The following KLHDC4 variants were observed in gnomAD, a reference collection of about 807,000 sequenced individuals.
KLHDC4 encodes the protein kelch domain containing 4, also known as kelch domain-containing protein 4.
A neutral mutation model predicts 62.4 loss-of-function variants in KLHDC4; 90 were observed. The ratio of observed to expected loss-of-function variants is 1.44; its 90% CI spans 1.22 to 1.72. The LOEUF is 1.72. KLHDC4 is among the 40% of genes most tolerant of loss of function. The pLI is 0.00. For synonymous variants in KLHDC4, 386 were observed against 284.4 expected (o/e 1.36, Z -3.59); for missense variants, 1,025 against 699.7 (o/e 1.47, Z -5.25).
chr16:87,757,007 G>A (rs780961010), intron 2 of KLHDC4, among the ~76,000 whole-genome samples: 56 of 151,842 alleles, frequency 3.7e-4, no homozygotes, highest in Admixed American at 1.6e-3. Flanking sequence ...TAGAGATGGG[G>A]TTTCACTGCA....
chr16:87,747,960 G>A (rs1050454695), intron 5 of KLHDC4, among the ~76,000 whole-genome samples: 1 of 152,226 alleles, frequency 6.6e-6, no homozygotes, highest in African/African-American at 2.4e-5. Context: ...GATGGTGTGC[G>A]TAATGGTGGG....
At chr16:87,748,601 C>T (rs2043402946) in intron 5 of KLHDC4, 72 bp downstream of exon 5, 10 of 1,585,260 alleles carry the variant, frequency 6.3e-6, no homozygotes, top group South Asian at 3.4e-5. Context: ...AGGTCTGCTC[C>T]GAGCACTCGG....
Position 87,711,232 on chromosome 16 carries a change from T to C in KLHDC4, c.1044+3A>G, listed in dbSNP as rs375437350. On this transcript the variant is annotated splice_donor_region_variant and intron_variant, in intron 9 of 11. Coordinates refer to ENST00000270583, the MANE Select transcript of KLHDC4 (RefSeq NM_017566.4). ...GGCGCATGCTACTCAGAGGTTGCAC[T>C]ACCTTCAGCTGTCCCTCAAACCAAC... 7.6e-5 allele frequency: 123 copies of C among 1,613,978 alleles called. No homozygotes were observed. In the South Asian group the frequency reaches 1.2e-3, roughly 16 times the overall value.
intron 7 of KLHDC4, among the ~76,000 whole-genome samples, chr16:87,724,527 A>C (rs1404084145): frequency 6.6e-6 from 1 of 152,224 alleles, no homozygotes; most frequent in Non-Finnish European, 1.5e-5. Context: ...ACTACAGCCC[A>C]TTAAAAATAG....
chr16:87,731,994 TAGCTGCTCGGGGCAGG>T (rs1356141947), intron 5 of KLHDC4, among the ~76,000 whole-genome samples: 1 of 152,136 alleles, frequency 6.6e-6, no homozygotes, highest in African/African-American at 2.4e-5. Flanking sequence ...CGGCCCAGGA[TAGCTGCTCGGGGCAGG>T]AGCTGGGAGG....
chr16:87,701,653 C>A (rs1366235870), exon 1 of KLHDC4: 1 of 454,246 alleles, frequency 2.2e-6, no homozygotes, highest in Non-Finnish European at 4.4e-6. Flanking sequence ...TGCCACTCGT[C>A]CGCCTCGTCC....
chr16:87,709,482 C>T lies in KLHDC4; in HGVS notation c.1230G>A (p.Gln410=). The T allele has an allele frequency of 6.2e-7, 1 of 1,611,184 alleles. No individual in the cohort carries two copies. Among genetic ancestry groups the T allele is most frequent in the Non-Finnish European group, 8.5e-7 (1 of 1,179,788 alleles). The change falls in exon 10 of 12, where the codon CAG becomes CAA. Residue 410 remains glutamine, a synonymous_variant. Transcript: ENST00000270583. ...QVLTAPGSAG[Q]PRSEDEDSLE... is the part of the protein sequence containing the mutation. The stretch of plus-strand genomic sequence containing the variant: ...GGCTGTCTTCGTCCTCAGACCGGGG[C>T]TGCCCCGCCGAGCCTGGCGCGGTGA...
At chr16:87,740,116 C>T (rs1330471345) in intron 5 of KLHDC4, among the ~76,000 whole-genome samples, 1 of 152,196 alleles carries the variant, frequency 6.6e-6, no homozygotes, top group Non-Finnish European at 1.5e-5. Context: ...CCTGCACCTT[C>T]TCCAGGGGAC....
At chr16:87,706,955 C>G (rs1254802868), downstream of KLHDC4, among the ~76,000 whole-genome samples, 1 of 152,166 alleles carries the variant, frequency 6.6e-6, no homozygotes, top group Non-Finnish European at 1.5e-5. Context: ...AGCACCGGCT[C>G]CGCCAGGAGG....
At chr16:87,741,016 G>T (rs557483445) in intron 5 of KLHDC4, 4 of 152,126 alleles carry the variant, frequency 2.6e-5, no homozygotes, top group Non-Finnish European at 5.9e-5. Flanking sequence ...GCTCCCGCAC[G>T]TGAGTTTTGG....
downstream of KLHDC4, among the ~76,000 whole-genome samples, chr16:87,704,057 G>A (rs970090705): frequency 2.0e-5 from 3 of 152,178 alleles, no homozygotes; most frequent in Admixed American, 1.3e-4. Context: ...GCTAGAGCTC[G>A]GCTCCTTTTC....
chr16:87,753,051 A>AG (rs1270637696), intron 4 of KLHDC4, among the ~76,000 whole-genome samples: 1 of 152,202 alleles, frequency 6.6e-6, no homozygotes, highest in African/African-American at 2.4e-5. Context: ...AGCAGGGACA[A>AG]GGGGCACAGG....
chr16:87,749,950 G>A lies in KLHDC4; in HGVS notation c.370-1141C>T, dbSNP rs1053087636. ...GGTGAAGGAGCGCAGCGGGAGTGAT[G>A]CCCTCTGGGCCACACACGGCAAAGC... is the stretch of plus-strand genomic sequence containing the variant. On this transcript the variant is annotated intron_variant, in intron 4 of 11. Coordinates refer to ENST00000270583, the MANE Select transcript of KLHDC4 (RefSeq NM_017566.4). Among the ~76,000 whole-genome samples the A allele has an allele frequency of 1.2e-4, 19 of 152,202 alleles. 1 individual carries two copies. The highest frequency in any genetic ancestry group is 2.5e-4 in the Non-Finnish European group (17 of 68,038).
At chr16:87,754,791 G>A (rs1567817684) in intron 4 of KLHDC4, among the ~76,000 whole-genome samples, 2 of 152,204 alleles carry the variant, frequency 1.3e-5, no homozygotes, top group East Asian at 3.8e-4. Context: ...CCACTTCTCT[G>A]TGATCCGGTT....
chr16:87,718,725 A>C (rs1334017449), intron 7 of KLHDC4, among the ~76,000 whole-genome samples: 15 of 123,640 alleles, frequency 1.2e-4, no homozygotes, highest in Non-Finnish European at 1.0e-4. Context: ...CCGGCTGCCC[A>C]GCCTGGGAAG....
At chr16:87,707,751 C>A (rs897292205), downstream of KLHDC4, 28 of 312,904 alleles carry the variant, frequency 8.9e-5, no homozygotes, top group East Asian at 2.5e-3. Context: ...TGGCCCGGGG[C>A]AGAGGCCCCG....
chr16:87,725,054 C>T (rs777034098), intron 7 of KLHDC4, among the ~76,000 whole-genome samples: 1 of 151,546 alleles, frequency 6.6e-6, no homozygotes, highest in African/African-American at 2.4e-5. Context: ...ACACGTGGGT[C>T]TGAAAAGCTG....
At chr16:87,701,973 T>C (rs755706783) in exon 1 of KLHDC4, 1 of 456,292 alleles carries the variant, frequency 2.2e-6, no homozygotes, top group South Asian at 1.5e-5. Flanking sequence ...CTTGGTCATC[T>C]TCCTGGGCCT....
rs772247067 is a variant in KLHDC4 at position 87,748,690 on chromosome 16, C to A, written c.489G>T (p.Lys163Asn). Residue 163 changes from lysine to asparagine, a missense_variant, in exon 5 of 12, where the codon AAG (lysine) becomes AAT (asparagine). Physicochemically the swap from Lys to Asn is moderately conservative, Grantham distance 94 (BLOSUM62 0). Transcript: ENST00000270583. The stretch of plus-strand genomic sequence containing the variant: ...CTTCTTACTTGACTTGTTCCCAGGT[C>A]TTGGTGGCCAAATGCAGGACCCAGA... Reference protein sequence around the residue: ...KDLWVLHLATKTWEQVKSTGG... With the variant: ...KDLWVLHLATNTWEQVKSTGG... The A allele has an allele frequency of 2.5e-6, 4 of 1,613,720 alleles. No homozygotes were observed. Among genetic ancestry groups the A allele is most frequent in the Non-Finnish European group, 1.7e-6 (2 of 1,179,964 alleles).
Sources: gnomAD v4.1 joint callset for allele counts (sites outside exome capture counted in the v4.1 genomes callset) on GRCh38, gnomAD v4.1.1 for gene constraint, MANE v1.5 for transcripts, NCBI Gene and HGNC (gene_info 2026-07-23, HGNC 2026-07-21) for gene names.